Variants in TOX4 observed in about 807,000 individuals in gnomAD.
TOX4 encodes epidermal Langerhans cell protein LCP1.
TOX4 carries 12 observed loss-of-function variants against 61.0 expected under a neutral mutation model. That is an observed-to-expected ratio of 0.20 (90% CI 0.13 to 0.32). TOX4 has a LOEUF of 0.32. TOX4 is among the 10% of genes least tolerant of loss of function. The pLI is 1.00. For synonymous variants in TOX4, 268 were observed against 274.8 expected (o/e 0.98, Z 0.24); for missense variants, 499 against 753.3 (o/e 0.66, Z 3.95).
chr14:21,498,316 A>C lies in TOX4; in HGVS notation c.*1710A>C. ...TGGGTACCTTTGCTTGAACCGTGCAACCACATCTGGGTCTAGTAGGTGGAT... is the reference window on the plus strand; with the variant it reads ...TGGGTACCTTTGCTTGAACCGTGCACCCACATCTGGGTCTAGTAGGTGGAT... On this transcript the variant is annotated 3_prime_UTR_variant, in exon 9 of 9. Coordinates refer to ENST00000448790, the MANE Select transcript of TOX4 (RefSeq NM_014828.4). 1 of 1,614,170 alleles carries C rather than the reference A, an allele frequency of 6.2e-7. No individual in the cohort carries two copies. Among genetic ancestry groups the C allele is most frequent in the Non-Finnish European group, 8.5e-7 (1 of 1,180,030 alleles).
intron 7 of TOX4, among the ~76,000 whole-genome samples, chr14:21,494,749 CAAAAAAA>C (rs71419140): frequency 0.19 from 20,103 of 105,584 alleles, 1,447 homozygotes; most frequent in Admixed American, 0.29. Flanking sequence ...GACTCCGTCT[CAAAAAAA>C]AAAAAAAAAA....
At chr14:21,492,240 T>A in intron 5 of TOX4, 56 bp from the exon 6 acceptor site, 4 of 1,470,050 alleles carry the variant, frequency 2.7e-6, no homozygotes, top group Non-Finnish European at 2.8e-6. Context: ...GAACTATCAG[T>A]CTTTCCTAAG....
In TOX4 at chr14:21,488,895, G is replaced by A. The variant is rs1228917714; in HGVS notation, c.579+45G>A. 1.9e-6 allele frequency: 3 copies of A among 1,602,412 alleles called. No homozygotes were observed. In the Admixed American group the frequency reaches 5.0e-5, roughly 27 times the overall value. On this transcript the variant is annotated intron_variant, in intron 4 of 8. Coordinates refer to ENST00000448790, the MANE Select transcript of TOX4 (RefSeq NM_014828.4). ...AATCAATTCTGCTGTGATAGTCTGG[G>A]ATAAAATTTTTGGGATACAGAGCCT...
Position 21,488,810 on chromosome 14 carries a change from C to T in TOX4, c.539C>T (p.Thr180Ile), listed in dbSNP as rs764566624. Reference protein sequence around the residue: ...EDRLSTTPSPTSSLHEDGVED... With the variant: ...EDRLSTTPSPISSLHEDGVED... ...CGTCTTTCAACCACCCCTTCACCTA[C>T]TAGTTCACTTCACGAGGATGGTGTT... Residue 180 changes from threonine to isoleucine, a missense_variant, in exon 4 of 9, where the codon ACT becomes ATT. Physicochemically the swap from Thr to Ile is moderately conservative, Grantham distance 89. This residue lies in a region of TOX4 where 61 missense variants were observed against 76.1 expected (regional missense o/e 0.80). Transcript: ENST00000448790. 3.7e-6 allele frequency: 6 copies of T among 1,614,220 alleles called. No individual in the cohort carries two copies. Among genetic ancestry groups the T allele is most frequent in the Non-Finnish European group, 4.2e-6 (5 of 1,180,050 alleles).
At position 21,492,316 on chromosome 14, in the gene TOX4, G is replaced by A. The variant is rs1891309005; in HGVS notation, c.831G>A (p.Glu277=). 2 of 1,613,662 alleles carry A rather than the reference G, an allele frequency of 1.2e-6. No individual in the cohort carries two copies. The highest frequency in any genetic ancestry group is 2.7e-5 in the African/African-American group (2 of 74,914). ...TGCAGGTATATAAGAGGAAAACTGAGGCTGCCAAGAAAGAGTATCTGAAGG... is the reference window on the plus strand; with the variant it reads ...TGCAGGTATATAAGAGGAAAACTGAAGCTGCCAAGAAAGAGTATCTGAAGG... ...EQKQVYKRKT[E]AAKKEYLKAL... The change falls in exon 6 of 9, where the codon GAG becomes GAA. Residue 277 remains glutamate (E), a synonymous_variant. Transcript: ENST00000448790.
At chr14:21,493,309 T>G in intron 7 of TOX4, 52 bp downstream of exon 7, 1 of 1,532,424 alleles carries the variant, frequency 6.5e-7, no homozygotes, top group Non-Finnish European at 8.8e-7. Flanking sequence ...TAAAAATGTT[T>G]TTGGTTGACC....
At chr14:21,492,228 C>A (rs898918092) in intron 5 of TOX4, 68 bp from the exon 6 acceptor site, 1 of 1,381,852 alleles carries the variant, frequency 7.2e-7, no homozygotes, top group Non-Finnish European at 1.0e-6. Context: ...ATAAATAATA[C>A]AGAACTATCA....
At chr14:21,486,500 A>C (rs1891192160) in intron 2 of TOX4, among the ~76,000 whole-genome samples, 2 of 38,036 alleles carry the variant, frequency 5.3e-5, no homozygotes, top group African/African-American at 1.0e-4. Context: ...GATTACCATT[A>C]TAATTCCCAT....
chr14:21,477,665 C>T, intron 2 of TOX4, 101 bp downstream of exon 2: 1 of 1,326,776 alleles, frequency 7.5e-7, no homozygotes, highest in South Asian at 1.2e-5. Context: ...GGGCTGGGAA[C>T]CAAGGGCCGC....
Position 21,485,393 on chromosome 14 carries a change from C to T in TOX4, c.76-2058C>T, listed in dbSNP as rs1234875710. On this transcript the variant is annotated intron_variant, in intron 2 of 8. Coordinates refer to ENST00000448790, the MANE Select transcript of TOX4 (RefSeq NM_014828.4). ...TCACGCCATTGCACTCCAGCCTGGG[C>T]AACAAGAGTGAAACTCTGTCTCAAA... is the stretch of plus-strand genomic sequence containing the variant. Among the ~76,000 whole-genome samples the T allele has an allele frequency of 3.0e-5, 3 of 101,268 alleles. 1 individual carries two copies. The highest frequency in any genetic ancestry group is 1.1e-4 in the African/African-American group (3 of 26,422). The allele number at this position is 101,268 out of a possible 152,430, so 66.4% of individuals were successfully genotyped here.
intron 2 of TOX4, among the ~76,000 whole-genome samples, chr14:21,483,608 T>G (rs967967936): frequency 8.6e-5 from 13 of 151,874 alleles, no homozygotes; most frequent in Admixed American, 2.6e-4. Context: ...GCCCAAGAGT[T>G]CAAGGCTGCA....
intron 2 of TOX4, among the ~76,000 whole-genome samples, chr14:21,483,387 CTTTTTT>C (rs34480307): frequency 7.0e-6 from 1 of 143,228 alleles, no homozygotes; most frequent in African/African-American, 2.6e-5. Context: ...GTTCCTATAA[CTTTTTT>C]TTTTTTTTTG....
In TOX4 at chr14:21,477,249, G is replaced by GTCTGT. The variant is rs1891006746; in HGVS notation, c.-26_-25insTTCTG. 2 of 1,613,872 alleles carry GTCTGT rather than the reference G, an allele frequency of 1.2e-6. No homozygotes were observed. Among genetic ancestry groups the GTCTGT allele is most frequent in the Non-Finnish European group, 1.7e-6 (2 of 1,179,884 alleles). ...AGTGGGGGCGGTGGGAGCGATGAGG[G>GTCTGT]TCTGAGACGGTGGGAGCGGTTGTGT... On this transcript the variant is annotated 5_prime_UTR_variant, in exon 1 of 9. The change abolishes the stop of an existing upstream ORF in the 5' untranslated region. Transcript: ENST00000448790.
chr14:21,489,997 C>T (rs1891258047), intron 5 of TOX4, among the ~76,000 whole-genome samples: 2 of 151,422 alleles, frequency 1.3e-5, no homozygotes, highest in African/African-American at 2.4e-5. Flanking sequence ...TCCTGGGCAA[C>T]ATAGGGAGAC....
At position 21,496,753 on chromosome 14, in the gene TOX4, G is replaced by A. The variant is rs1333122346; in HGVS notation, c.*147G>A. The A allele has an allele frequency of 1.5e-6, 1 of 674,862 alleles. No individual in the cohort carries two copies. Among genetic ancestry groups the A allele is most frequent in the Non-Finnish European group, 2.5e-6 (1 of 395,044 alleles). The allele number at this position is 674,862 out of a possible 1,614,324, so 41.8% of individuals were successfully genotyped here. A position where few individuals can be genotyped will look rare whatever the true frequency, so the allele number is the denominator to read the frequency against. On this transcript the variant is annotated 3_prime_UTR_variant, in exon 9 of 9. Transcript: ENST00000448790. ...TTTCACCCCTTTTCTTCCTTCAGCA[G>A]AGGCCAGGCTATGGAGCAGGGCCAC... is the stretch of plus-strand genomic sequence containing the variant.
rs1566476738 is a variant in TOX4 at position 21,477,304 on chromosome 14, GA to G, written c.6+22del. Reference sequence around the variant, plus strand: ...ATGGAGGTAGGAACCTGATAGCTAAGAAGGCTGGCGAGAGAACGCGGCCGAC... The same window carrying G: ...ATGGAGGTAGGAACCTGATAGCTAAGAGGCTGGCGAGAGAACGCGGCCGAC... On this transcript the variant is annotated intron_variant, in intron 1 of 8. Transcript: ENST00000448790. The G allele has an allele frequency of 6.2e-7, 1 of 1,614,030 alleles. No homozygotes were observed. Among genetic ancestry groups the G allele is most frequent in the South Asian group, 1.1e-5 (1 of 91,080 alleles).
chr14:21,483,006 A>G (rs994291227), intron 2 of TOX4, among the ~76,000 whole-genome samples: 3 of 152,250 alleles, frequency 2.0e-5, no homozygotes, highest in Admixed American at 2.0e-4. Context: ...GGTGGTGTAT[A>G]GAAAGAATGC....
intron 2 of TOX4, among the ~76,000 whole-genome samples, chr14:21,479,307 C>T (rs1891067596): frequency 6.7e-6 from 1 of 149,946 alleles, no homozygotes; most frequent in Non-Finnish European, 1.5e-5. Flanking sequence ...CCAGCTTGGG[C>T]AACGTGATCA....
Position 21,498,773 on chromosome 14 carries a change from G to A in TOX4, c.*2167G>A. ...AGATTCAATACATCACAGAATGGCT[G>A]AGGAAGATCCTTGGGTTGTGAAGAG... On this transcript the variant is annotated 3_prime_UTR_variant, in exon 9 of 9. Transcript: ENST00000448790. 1 of 501,286 alleles carries A rather than the reference G, an allele frequency of 2.0e-6. No homozygotes were observed. The highest frequency in any genetic ancestry group is 3.6e-6 in the Non-Finnish European group (1 of 281,556). The allele number at this position is 501,286 out of a possible 1,614,324, so 31.1% of individuals were successfully genotyped here.
Sources: allele counts gnomAD v4.1 joint callset (sites outside exome capture counted in the v4.1 genomes callset), GRCh38; gene constraint gnomAD v4.1.1; regional missense constraint gnomAD v4.1.1; transcripts MANE v1.5; gene names NCBI Gene and HGNC (gene_info 2026-07-23, HGNC 2026-07-21).